Variants in IL17RD observed in about 807,000 individuals in gnomAD.
The protein encoded by IL17RD is interleukin 17 receptor D.
IL17RD carries 52 observed loss-of-function variants against 80.5 expected under a neutral mutation model. The observed-to-expected ratio is 0.65, with a 90% CI of 0.52 to 0.81. The LOEUF (loss-of-function observed/expected upper bound fraction) is 0.81, where lower values mean the gene tolerates loss of function less well. Among genes scored for constraint, IL17RD ranks in the 40% least tolerant of loss-of-function variants. The pLI, the probability that IL17RD is intolerant of heterozygous loss-of-function variation, is 0.00. For missense variants in IL17RD, 1,024 were observed against 955.1 expected (o/e 1.07, Z -0.95); for synonymous variants, 416 against 391.8 (o/e 1.06, Z -0.73).
intron 1 of IL17RD, among the ~76,000 whole-genome samples, chr3:57,133,307 G>A (rs904769612): frequency 6.6e-6 from 1 of 152,160 alleles, no homozygotes; most frequent in Non-Finnish European, 1.5e-5. Context: ...CTATTTGGAT[G>A]GAAGCCAGCA....
chr3:57,142,108 T>G (rs1466532347), intron 1 of IL17RD, among the ~76,000 whole-genome samples: 1 of 152,192 alleles, frequency 6.6e-6, no homozygotes, highest in Non-Finnish European at 1.5e-5. Context: ...ACCATAAACT[T>G]TTAGCACCTC....
chr3:57,117,255 A>G (rs1405211796), intron 2 of IL17RD, among the ~76,000 whole-genome samples: 2 of 152,084 alleles, frequency 1.3e-5, no homozygotes, highest in African/African-American at 4.8e-5. Context: ...CTGGGACTAC[A>G]GGCACATGCC....
chr3:57,150,110 T>TTCC (rs1415646974), intron 1 of IL17RD, among the ~76,000 whole-genome samples: 2 of 152,170 alleles, frequency 1.3e-5, no homozygotes, highest in African/African-American at 4.8e-5. Flanking sequence ...AAAACTCAGA[T>TTCC]TCCTGGCCTT....
Position 57,097,895 on chromosome 3 carries a change from A to T in IL17RD, c.1808T>A (p.Leu603Gln), listed in dbSNP as rs1454244959. The change falls in exon 12 of 13, where the codon CTA becomes CAA. Residue 603 changes from leucine (L) to glutamine (Q), a missense_variant. By Grantham distance (113) the Leu-to-Gln change is moderately radical. Transcript: ENST00000296318. ...CKPGPESDFC[L>Q]KVEAAVLGAT... is the part of the protein sequence containing the mutation. ...CCCAAGAACAGCCGCCTCTACCTTT[A>T]GGCAGAAGTCACTCTCAGGCCCTGG... 1 of 1,613,978 alleles carries T rather than the reference A, an allele frequency of 6.2e-7. No homozygotes were observed. The highest frequency in any genetic ancestry group is 1.1e-5 in the South Asian group (1 of 91,084).
chr3:57,119,174 A>C (rs909879826), intron 2 of IL17RD, among the ~76,000 whole-genome samples: 1 of 152,132 alleles, frequency 6.6e-6, no homozygotes, highest in African/African-American at 2.4e-5. Context: ...AACACAGTGA[A>C]ACCCCATCTC....
At chr3:57,129,642 A>G (rs1275102499) in intron 1 of IL17RD, among the ~76,000 whole-genome samples, 3 of 152,148 alleles carry the variant, frequency 2.0e-5, no homozygotes, top group African/African-American at 7.2e-5. Flanking sequence ...GGCAAGCCCC[A>G]CGCACATTTC....
intron 1 of IL17RD, among the ~76,000 whole-genome samples, chr3:57,159,681 G>A (rs1318274003): frequency 2.0e-5 from 3 of 152,188 alleles, no homozygotes; most frequent in Non-Finnish European, 4.4e-5. Context: ...CCAAATTTGG[G>A]AGTAGATGGG....
rs1255080708 is a variant in IL17RD at position 57,165,349 on chromosome 3, C to G, written c.-63G>C. The G allele has an allele frequency of 8.2e-7, 1 of 1,214,506 alleles. No homozygotes were observed. The highest frequency in any genetic ancestry group is 1.0e-6 in the Non-Finnish European group (1 of 973,258). 75.2% of individuals were successfully genotyped at this position (1,214,506 alleles called of 1,614,324 possible). ...CCGGCCGCCCGCCGCTGGCCAGCCC[C>G]GAGTGGGCGGTGGCCGCGGCGGCCG... On this transcript the variant is annotated 5_prime_UTR_variant, in exon 1 of 13. Coordinates refer to ENST00000296318, the MANE Select transcript of IL17RD (RefSeq NM_017563.5).
intron 1 of IL17RD, among the ~76,000 whole-genome samples, chr3:57,127,197 TAA>T (rs1553625528): frequency 2.0e-5 from 2 of 99,140 alleles, no homozygotes; most frequent in Non-Finnish European, 3.6e-5. Flanking sequence ...TATATATATA[TAA>T]ATATATATAA....
intron 1 of IL17RD, among the ~76,000 whole-genome samples, chr3:57,130,679 C>T: frequency 6.6e-6 from 1 of 152,128 alleles, no homozygotes; most frequent in South Asian, 2.1e-4. Context: ...CGGCCCTGCC[C>T]GGCCCAGGGG....
intron 1 of IL17RD, among the ~76,000 whole-genome samples, chr3:57,123,770 G>A (rs183957548): frequency 9.8e-5 from 15 of 152,316 alleles, no homozygotes; most frequent in Middle Eastern, 3.4e-3. Context: ...TTGGCTGCGC[G>A]TGGTGGCTCA....
chr3:57,142,594 C>A, intron 1 of IL17RD: 2 of 841,270 alleles, frequency 2.4e-6, no homozygotes, highest in South Asian at 1.5e-5. Flanking sequence ...GTGTTGGTGT[C>A]GCCAACCTGA....
intron 5 of IL17RD, among the ~76,000 whole-genome samples, chr3:57,109,157 G>T (rs982453434): frequency 6.6e-6 from 1 of 152,008 alleles, no homozygotes; most frequent in Non-Finnish European, 1.5e-5. Context: ...TTGTTTGTTT[G>T]TTTCCCCCTG....
At chr3:57,137,721 C>A (rs978249516) in intron 1 of IL17RD, among the ~76,000 whole-genome samples, 4 of 152,198 alleles carry the variant, frequency 2.6e-5, no homozygotes, top group Non-Finnish European at 5.9e-5. Context: ...ATTTTCACTT[C>A]TCTTCCCTCC....
At chr3:57,103,168 T>C in intron 8 of IL17RD, 23 bp from the exon 9 acceptor site, 1 of 1,579,772 alleles carries the variant, frequency 6.3e-7, no homozygotes, top group Middle Eastern at 1.7e-4. Context: ...GGATGCTGCA[T>C]TATTTTTTTT....
At chr3:57,097,266 C>T (rs1706699687) in intron 12 of IL17RD, among the ~76,000 whole-genome samples, 1 of 152,152 alleles carries the variant, frequency 6.6e-6, no homozygotes, top group Non-Finnish European at 1.5e-5. Flanking sequence ...CATCCACAAA[C>T]TGTTACCCAA....
chr3:57,146,609 G>A (rs1707935347), intron 1 of IL17RD, among the ~76,000 whole-genome samples: 1 of 151,744 alleles, frequency 6.6e-6, no homozygotes, highest in Admixed American at 6.6e-5. Context: ...AATTAGCTGA[G>A]CGTGATGGTG....
At chr3:57,166,281 C>T (rs770167357), upstream of IL17RD, among the ~76,000 whole-genome samples, 2 of 152,162 alleles carry the variant, frequency 1.3e-5, no homozygotes, top group Non-Finnish European at 2.9e-5. Flanking sequence ...GCTTTTTCTA[C>T]TTCTGACTTT....
chr3:57,132,438 C>A (rs1023933443), intron 1 of IL17RD, among the ~76,000 whole-genome samples: 1 of 151,918 alleles, frequency 6.6e-6, no homozygotes, highest in South Asian at 2.1e-4. Flanking sequence ...CTAGCCTGGG[C>A]GACAGAGTAA....
Sources: allele counts gnomAD v4.1 joint callset (sites outside exome capture counted in the v4.1 genomes callset), GRCh38; gene constraint gnomAD v4.1.1; transcripts MANE v1.5; gene names NCBI Gene and HGNC (gene_info 2026-07-23, HGNC 2026-07-21).